CDK20: variants seen among roughly 807,000 people sequenced by gnomAD.
The protein encoded by CDK20 is cyclin-dependent kinase 20.
Under a neutral mutation model 38.6 loss-of-function variants are expected in CDK20, and 40 were observed. The observed-to-expected ratio is 1.04, with a 90% confidence interval of 0.81 to 1.35. The LOEUF (loss-of-function observed/expected upper bound fraction) is 1.35. CDK20 is among the 40% of genes most tolerant of loss of function. CDK20 has a pLI of 0.00. For synonymous variants in CDK20, 209 were observed against 185.7 expected (o/e 1.13, Z -1.02); for missense variants, 512 against 452.6 (o/e 1.13, Z -1.19).
At position 87,967,427 on chromosome 9, in the gene CDK20, C is replaced by T. The variant is rs1442358714; in HGVS notation, c.*35G>A. On this transcript the variant is annotated 3_prime_UTR_variant, in exon 8 of 8. Coordinates refer to ENST00000325303, the MANE Select transcript of CDK20 (RefSeq NM_001039803.3). Reference sequence around the variant, plus strand: ...AGAGGAACAGGTGGACTGAGTGGTCCTGAGGAGCAGGCAGACGGGACCAGG... The same window carrying T: ...AGAGGAACAGGTGGACTGAGTGGTCTTGAGGAGCAGGCAGACGGGACCAGG... 6 of 1,549,474 alleles carry T rather than the reference C, an allele frequency of 3.9e-6. No individual in the cohort carries two copies. The highest frequency in any genetic ancestry group is 5.2e-6 in the Non-Finnish European group (6 of 1,145,112).
intron 2 of CDK20, 144 bp downstream of exon 2, chr9:87,973,778 G>T (rs1356394375): frequency 1.3e-6 from 1 of 784,294 alleles, no homozygotes; most frequent in Admixed American, 2.5e-5. Context: ...GGGTAAGGAG[G>T]CAGATGAATG....
chr9:87,974,127 C>T (rs1830062929), intron 1 of CDK20, 92 bp from the exon 2 acceptor site: 2 of 1,591,664 alleles, frequency 1.3e-6, no homozygotes, highest in Admixed American at 1.7e-5. Flanking sequence ...GAGAGAGACA[C>T]GCGCCCCCGG....
In CDK20 at chr9:87,970,958, G is replaced by A. The variant is rs534765852; in HGVS notation, c.379-61C>T. 69 of 1,602,858 alleles carry A rather than the reference G, an allele frequency of 4.3e-5. 1 individual carries two copies. The East Asian group carries it at 5.8e-4, about 14-fold the overall frequency. On this transcript the variant is annotated intron_variant, in intron 3 of 7. Transcript: ENST00000325303. ...TCCCCCATAGGACCTTGGGACAAGC[G>A]GGCTTGGCAGTCTAACCACTCAGGT...
Position 87,969,242 on chromosome 9 carries a change from C to A in CDK20, c.795G>T (p.Leu265=). The part of the protein sequence containing the change: ...PDVSPQALDL[L]GQFLLYPPHQ... ...GAGGAGGGTAGAGAAGGAATTGACC[C>A]AGCAGATCCAATGCCTGGGGAGAGA... The change falls in exon 7 of 8, where the codon CTG becomes CTT. Residue 265 remains leucine, a synonymous_variant. Coordinates refer to ENST00000325303, the MANE Select transcript of CDK20 (RefSeq NM_001039803.3). The A allele has an allele frequency of 1.9e-6, 3 of 1,614,072 alleles. No homozygotes were observed. The highest frequency in any genetic ancestry group is 2.5e-6 in the Non-Finnish European group (3 of 1,179,984).
In CDK20 at chr9:87,972,085, G is replaced by C. The variant is rs553635030; in HGVS notation, c.190-750C>G. On this transcript the variant is annotated intron_variant, in intron 2 of 7. Transcript: ENST00000325303. ...CCAGGCATGGTGACACGTGCCTGTA[G>C]TCCTAGCTACTTGGGAAGCTGAGGT... is the stretch of plus-strand genomic sequence containing the variant. Among the ~76,000 whole-genome samples the C allele has an allele frequency of 2.6e-5, 4 of 152,202 alleles. No individual in the cohort carries two copies. In the East Asian group the frequency reaches 7.7e-4, roughly 29 times the overall value.
At position 87,973,953 on chromosome 9, in the gene CDK20, T is replaced by C; in HGVS notation, c.158A>G (p.Lys53Arg). Residue 53 changes from lysine to arginine, a missense_variant, in exon 2 of 8, where the codon AAG becomes AGG. Lys to Arg is a conservative substitution (Grantham distance 26). Transcript: ENST00000325303. ...ATTGTCCTCCATCTCCTGCAGAGCC[T>C]TAATCTCCCGCAGGGCCTGGTTAGG... is the stretch of plus-strand genomic sequence containing the variant. ...GFPNQALREI[K>R]ALQEMEDNQY... The C allele has an allele frequency of 6.2e-7, 1 of 1,614,156 alleles. No individual in the cohort carries two copies. Among genetic ancestry groups the C allele is most frequent in the South Asian group, 1.1e-5 (1 of 91,090 alleles).
intron 2 of CDK20, 128 bp downstream of exon 2, chr9:87,973,792 AGT>A (rs1439050268): frequency 2.4e-5 from 21 of 887,948 alleles, no homozygotes; most frequent in Non-Finnish European, 1.7e-6. Flanking sequence ...ATGAATGAGC[AGT>A]GTGTGTGAGT....
intron 4 of CDK20, 22 bp downstream of exon 4, chr9:87,970,754 G>C: frequency 6.2e-7 from 1 of 1,614,056 alleles, no homozygotes; most frequent in Non-Finnish European, 8.5e-7. Context: ...GAGAAGACTG[G>C]AAGGGATCTG....
chr9:87,969,156 G>C, intron 7 of CDK20, 38 bp downstream of exon 7: 1 of 1,606,572 alleles, frequency 6.2e-7, no homozygotes, highest in Non-Finnish European at 8.5e-7. Flanking sequence ...GATGGGGAGG[G>C]GAGCTGAAGG....
chr9:87,969,095 G>A lies in CDK20; in HGVS notation c.843+99C>T, dbSNP rs554866902. 14 of 1,376,346 alleles carry A rather than the reference G, an allele frequency of 1.0e-5. No homozygotes were observed. The East Asian group carries it at 2.5e-4, about 25-fold the overall frequency. The allele number at this position is 1,376,346 out of a possible 1,614,324, so 85.3% of individuals were successfully genotyped here. A position where few individuals can be genotyped will look rare whatever the true frequency, so the allele number is the denominator to read the frequency against. On this transcript the variant is annotated intron_variant, in intron 7 of 7. Coordinates refer to ENST00000325303, the MANE Select transcript of CDK20 (RefSeq NM_001039803.3). ...GTCCATGCCAATCACAGGTTCTGAG[G>A]GTCGCTGATGTGATGGGGTCACATG...
intron 2 of CDK20, among the ~76,000 whole-genome samples, chr9:87,972,708 G>A (rs1453206824): frequency 6.6e-6 from 1 of 152,198 alleles, no homozygotes; most frequent in African/African-American, 2.4e-5. Flanking sequence ...ACTTGGGCAA[G>A]GAGCAAATCT....
chr9:87,972,981 ACAGT>A (rs1199842389), intron 2 of CDK20, among the ~76,000 whole-genome samples: 1 of 152,242 alleles, frequency 6.6e-6, no homozygotes, highest in Non-Finnish European at 1.5e-5. Flanking sequence ...GAAAAATCCT[ACAGT>A]CAATCTTAGA....
Position 87,970,455 on chromosome 9 carries a change from TAAGG to T in CDK20, c.563+109_563+112del, listed in dbSNP as rs972548304. 166 of 980,072 alleles carry T rather than the reference TAAGG, an allele frequency of 1.7e-4. No individual in the cohort carries two copies. In the African/African-American group the frequency reaches 2.4e-3, roughly 14 times the overall value. The allele number at this position is 980,072 out of a possible 1,614,324, so 60.7% of individuals were successfully genotyped here. On this transcript the variant is annotated intron_variant, in intron 5 of 7. Transcript: ENST00000325303. ...ATACCCCAACCAGGGAAGACACCCT[TAAGG>T]AAGCCTAAACTCCCACCAGGGAAAA...
In CDK20 at chr9:87,969,369, CAG is replaced by C. The variant is rs773574209; in HGVS notation, c.688-22_688-21del. 6.8e-6 allele frequency: 11 copies of C among 1,612,788 alleles called. No individual in the cohort carries two copies. Among genetic ancestry groups the C allele is most frequent in the Admixed American group, 6.7e-5 (4 of 59,944 alleles). ...GAGCTCCTGGGCCAGGGAGAAGGAA[CAG>C]GGTACAATGAGAGTAGTTCCCGACC... is the stretch of plus-strand genomic sequence containing the variant. On this transcript the variant is annotated intron_variant, in intron 6 of 7. Transcript: ENST00000325303.
Position 87,970,533 on chromosome 9 carries a change from C to T in CDK20, c.563+35G>A, listed in dbSNP as rs1393590696. ...TCAGAGCCTAGCAGAAATCCATGAG[C>T]CATGTTACCCTTTGACCACCCACAG... On this transcript the variant is annotated intron_variant, in intron 5 of 7. Coordinates refer to ENST00000325303, the MANE Select transcript of CDK20 (RefSeq NM_001039803.3). 34 of 1,587,430 alleles carry T rather than the reference C, an allele frequency of 2.1e-5. No homozygotes were observed. The Admixed American group carries it at 4.6e-4, about 22-fold the overall frequency.
chr9:87,969,643 G>A lies in CDK20; in HGVS notation c.687+153C>T, dbSNP rs28364960. ...CCCCAACCCAAATGACAGCAGGAAG[G>A]AGGAAGCCCTGAGTTGGGCCAGGAC... On this transcript the variant is annotated intron_variant, in intron 6 of 7. Coordinates refer to ENST00000325303, the MANE Select transcript of CDK20 (RefSeq NM_001039803.3). The A allele has an allele frequency of 8.1e-4, 983 of 1,219,974 alleles. 8 individuals are homozygous for A. In the African/African-American group the frequency reaches 0.012, roughly 15 times the overall value. 75.6% of individuals were successfully genotyped at this position (1,219,974 alleles called of 1,614,324 possible).
chr9:87,969,632 A>G (rs1829707330), intron 6 of CDK20, 164 bp downstream of exon 6: 1 of 1,123,258 alleles, frequency 8.9e-7, no homozygotes, highest in East Asian at 2.4e-5. Flanking sequence ...AACCCAAATG[A>G]CAGCAGGAAG....
Position 87,974,496 on chromosome 9 carries a change from C to T in CDK20, c.-50G>A, listed in dbSNP as rs777191101. 6.5e-7 allele frequency: 1 copy of T among 1,536,446 alleles called. No individual in the cohort carries two copies. The highest frequency in any genetic ancestry group is 1.1e-5 in the South Asian group (1 of 87,798). ...CCCTGTGCCCCTGAACTTCCAAACTCCACTTCTCCTCCACCCCACGCTGAT... is the reference window on the plus strand; with the variant it reads ...CCCTGTGCCCCTGAACTTCCAAACTTCACTTCTCCTCCACCCCACGCTGAT... On this transcript the variant is annotated 5_prime_UTR_variant, in exon 1 of 8. Coordinates refer to ENST00000325303, the MANE Select transcript of CDK20 (RefSeq NM_001039803.3).
chr9:87,967,767 G>A, intron 7 of CDK20, 108 bp from the exon 8 acceptor site: 1 of 984,904 alleles, frequency 1.0e-6, no homozygotes. Flanking sequence ...AGTGTGTCTG[G>A]GTGTTTTCTG....
Sources: allele counts gnomAD v4.1 joint callset (sites outside exome capture counted in the v4.1 genomes callset), GRCh38; gene constraint gnomAD v4.1.1; transcripts MANE v1.5; gene names NCBI Gene and HGNC (gene_info 2026-07-23, HGNC 2026-07-21).